The following IFT140 variants were observed in gnomAD, a reference collection of about 807,000 sequenced individuals.
The protein encoded by IFT140 is intraflagellar transport protein 140 homolog.
A neutral mutation model predicts 164.6 loss-of-function variants in IFT140; 133 were observed. The observed-to-expected ratio is 0.81, with a 90% CI of 0.70 to 0.93. The LOEUF is 0.93. IFT140 is among the 40% of genes least tolerant of loss of function. The pLI is 0.00. For missense variants in IFT140, 2,045 were observed against 1,972.3 expected, an observed-to-expected ratio of 1.04 and a Z score of -0.70; for synonymous variants, 860 against 817.3, an observed-to-expected ratio of 1.05 and a Z score of -0.89.
At chr16:1,513,926 G>A (rs913339830) in intron 30 of IFT140, among the ~76,000 whole-genome samples, 2 of 149,976 alleles carry the variant, frequency 1.3e-5, no homozygotes, top group African/African-American at 2.5e-5. Context: ...GCCCGCCTTG[G>A]CCTCCCAAAG....
rs377016838 is a variant in IFT140 at position 1,525,979 on chromosome 16, G to C, written c.2676C>G (p.Ala892=). The C allele has an allele frequency of 6.3e-6, 10 of 1,592,938 alleles. No homozygotes were observed. The highest frequency in any genetic ancestry group is 2.3e-5 in the East Asian group (1 of 43,662). ...GCAGGTGCACGCGATCGTGGTGCTC[G>C]GCTACCTGGAGGGCCTCCTGCCACC... The part of the protein sequence containing the change: ...AGRWQEALQV[A]EHHDRVHLRS... The change falls in exon 21 of 31, where the codon GCC becomes GCG. Residue 892 remains alanine, a synonymous_variant. Coordinates refer to ENST00000426508, the MANE Select transcript of IFT140 (RefSeq NM_014714.4).
chr16:1,540,080 G>C (rs1030977507), intron 19 of IFT140, among the ~76,000 whole-genome samples: 3 of 152,164 alleles, frequency 2.0e-5, no homozygotes, highest in Admixed American at 2.0e-4. Context: ...GGGACCCTCA[G>C]TGGCGAGGAG....
chr16:1,522,142 A>C (rs1232550748), intron 26 of IFT140, among the ~76,000 whole-genome samples: 2 of 152,090 alleles, frequency 1.3e-5, no homozygotes, highest in Non-Finnish European at 2.9e-5. Flanking sequence ...GTGGATCATG[A>C]GATCAGGAGA....
intron 30 of IFT140, among the ~76,000 whole-genome samples, chr16:1,512,040 T>C (rs2040176309): frequency 6.7e-6 from 1 of 149,336 alleles, no homozygotes; most frequent in African/African-American, 2.5e-5. Context: ...GTGACTGCTC[T>C]GTGTGCAGAG....
Position 1,528,343 on chromosome 16 carries a change from ACG to A in IFT140, c.2400-1549_2400-1548del, listed in dbSNP as rs1369050462. ...CGCATGCACGCACGTGTGCACACAC[ACG>A]CATGCACGCACGTGTGCACACACAC... On this transcript the variant is annotated intron_variant, in intron 19 of 30. Coordinates refer to ENST00000426508, the MANE Select transcript of IFT140 (RefSeq NM_014714.4). Among the ~76,000 whole-genome samples the A allele has an allele frequency of 2.8e-3, 363 of 131,028 alleles. 5 individuals carry two copies. Among genetic ancestry groups the A allele is most frequent in the African/African-American group, 9.1e-3 (344 of 37,868 alleles). 86.0% of individuals were successfully genotyped at this position (131,028 alleles called of 152,430 possible).
intron 4 of IFT140, among the ~76,000 whole-genome samples, chr16:1,594,301 G>A (rs1234094712): frequency 6.6e-6 from 1 of 151,716 alleles, no homozygotes; most frequent in African/African-American, 2.4e-5. Flanking sequence ...GCTCACTGCA[G>A]CCTCTGCTTC....
Position 1,562,047 on chromosome 16 carries a change from G to A in IFT140, c.2137C>T (p.Arg713Trp), listed in dbSNP as rs148189608. Residue 713 changes from arginine to tryptophan, a missense_variant, in exon 18 of 31, where the codon CGG becomes TGG. Physicochemically the swap from Arg to Trp is moderately radical, Grantham distance 101. Coordinates refer to ENST00000426508, the MANE Select transcript of IFT140 (RefSeq NM_014714.4). Reference protein sequence around the residue: ...HGFLLHESFPRPATSHSLLGM... With the variant: ...HGFLLHESFPWPATSHSLLGM... Reference sequence around the variant, plus strand: ...AGGAGACTGTGGGAGGTGGCAGGCCGGGGGAAGCTCTCATGAAGCAGGAAG... The same window carrying A: ...AGGAGACTGTGGGAGGTGGCAGGCCAGGGGAAGCTCTCATGAAGCAGGAAG... The A allele has an allele frequency of 2.2e-5, 35 of 1,610,436 alleles. 1 individual carries two copies. In the East Asian group the frequency reaches 2.2e-4, roughly 10 times the overall value.
chr16:1,523,826 A>G lies in IFT140; in HGVS notation c.3270+2T>C. ...AGGTCCCCACCGGTGGCCAGCCCTC[A>G]CCTTGTGGTACAGCATGACCGCCCT... On this transcript the variant is annotated splice_donor_variant, in intron 25 of 30. Coordinates refer to ENST00000426508, the MANE Select transcript of IFT140 (RefSeq NM_014714.4). LOFTEE classifies it high-confidence loss of function. 6.2e-7 allele frequency: 1 copy of G among 1,612,428 alleles called. No individual in the cohort carries two copies. Among genetic ancestry groups the G allele is most frequent in the Non-Finnish European group, 8.5e-7 (1 of 1,179,822 alleles).
intron 19 of IFT140, among the ~76,000 whole-genome samples, chr16:1,547,615 T>C (rs781524776): frequency 1.3e-5 from 2 of 152,170 alleles, no homozygotes; most frequent in Non-Finnish European, 2.9e-5. Flanking sequence ...GGGTTCAATA[T>C]AAGTTCCGCC....
At chr16:1,547,692 T>C (rs548923959) in intron 19 of IFT140, among the ~76,000 whole-genome samples, 3 of 152,230 alleles carry the variant, frequency 2.0e-5, no homozygotes, top group East Asian at 3.9e-4. Flanking sequence ...TGAGCCACCA[T>C]GCCCAGCTAA....
At chr16:1,550,383 C>G (rs1424283204) in intron 19 of IFT140, among the ~76,000 whole-genome samples, 1 of 152,170 alleles carries the variant, frequency 6.6e-6, no homozygotes, top group Non-Finnish European at 1.5e-5. Context: ...TTCTAATGCT[C>G]TAAACGACGC....
At chr16:1,538,323 A>C (rs2031286381) in intron 19 of IFT140, among the ~76,000 whole-genome samples, 1 of 152,166 alleles carries the variant, frequency 6.6e-6, no homozygotes, top group Admixed American at 6.5e-5. Flanking sequence ...GCGAGGAAGG[A>C]AGGCTGAGAG....
At chr16:1,540,366 A>C (rs543817392) in intron 19 of IFT140, among the ~76,000 whole-genome samples, 1 of 152,322 alleles carries the variant, frequency 6.6e-6, no homozygotes, top group African/African-American at 2.4e-5. Context: ...TCACGAAGTA[A>C]AGCAGCCCGC....
At chr16:1,586,011 T>A in intron 10 of IFT140, 119 bp downstream of exon 10, 1 of 1,153,886 alleles carries the variant, frequency 8.7e-7, no homozygotes, top group South Asian at 1.2e-5. Context: ...GACCTCATGA[T>A]CCACCCGCCT....
chr16:1,592,381 G>A, intron 5 of IFT140, 63 bp from the exon 6 acceptor site: 2 of 1,611,558 alleles, frequency 1.2e-6, no homozygotes, highest in Non-Finnish European at 1.7e-6. Context: ...TCAGGGCTGG[G>A]GCCCCTCCTG....
intron 19 of IFT140, among the ~76,000 whole-genome samples, chr16:1,557,233 G>A (rs913667143): frequency 2.6e-5 from 4 of 152,226 alleles, no homozygotes; most frequent in Admixed American, 6.5e-5. Flanking sequence ...TCCGGTGCAT[G>A]TGCAAACCGG....
At chr16:1,511,264 C>G (rs2040140121) in intron 30 of IFT140, 114 bp from the exon 31 acceptor site, 2 of 924,418 alleles carry the variant, frequency 2.2e-6, no homozygotes, top group African/African-American at 1.6e-5. Flanking sequence ...TGCCTCCGCG[C>G]TGGAGGACAC....
rs387907192 is a variant in IFT140, at chr16:1,564,074, C to T, written c.1990G>A (p.Glu664Lys). Residue 664 changes from glutamate (E) to lysine (K), a missense_variant, in exon 17 of 31, where the codon GAA becomes AAA. Glu to Lys is a moderately conservative substitution (Grantham distance 56, BLOSUM62 1). Transcript: ENST00000426508. The surrounding 1 kb of genome is among the most constrained non-coding windows in gnomAD (Gnocchi z 5.5). ...DQSEPRLFVC[E>K]AVQETPRSQP... is the part of the protein sequence containing the mutation. ...GAGCGCGGCGTCTCCTGCACGGCTT[C>T]GCATACAAACAGCCGGGGCTCACTC... 13 of 1,604,608 alleles carry T rather than the reference C, an allele frequency of 8.1e-6. No homozygotes were observed. Among genetic ancestry groups the T allele is most frequent in the Admixed American group, 6.7e-5 (4 of 59,804 alleles).
At chr16:1,591,577 T>G (rs924325126) in intron 6 of IFT140, among the ~76,000 whole-genome samples, 5 of 152,214 alleles carry the variant, frequency 3.3e-5, no homozygotes, top group Admixed American at 3.3e-4. Flanking sequence ...CCTGGGCTAG[T>G]GTCACATGGC....
Sources: allele counts gnomAD v4.1 joint callset (sites outside exome capture counted in the v4.1 genomes callset), GRCh38; gene constraint gnomAD v4.1.1; non-coding constraint Gnocchi (gnomAD v3.1); transcripts MANE v1.5; gene names NCBI Gene and HGNC (gene_info 2026-07-23, HGNC 2026-07-21).